Variants in UMAD1 observed in about 807,000 individuals in gnomAD.
UMAD1 encodes UBAP1-MVB12-associated (UMA) domain containing 1, also known as UBAP1-MVB12-associated (UMA)-domain containing protein 1.
Under a neutral mutation model 6.1 loss-of-function variants are expected in UMAD1, and 8 were observed. The observed-to-expected ratio is 1.30, with a 90% confidence interval of 0.76 to 2.35. UMAD1 has a LOEUF of 2.35. UMAD1 is among the 30% of genes most tolerant of loss of function. UMAD1 has a pLI of 0.00. For synonymous variants in UMAD1, 56 were observed against 31.4 expected (o/e 1.78, Z -2.61); for missense variants, 130 against 78.4 (o/e 1.66, Z -2.49).
At position 7,743,961 on chromosome 7, in the gene UMAD1, C is replaced by T. The variant is rs949167724; in HGVS notation, c.83-57709C>T. Among the ~76,000 whole-genome samples the T allele has an allele frequency of 5.9e-5, 9 of 152,002 alleles. No individual in the cohort carries two copies. In the South Asian group the frequency reaches 6.2e-4, roughly 11 times the overall value. The stretch of plus-strand genomic sequence containing the variant: ...TACCATAACATTAACGTAAAGTGTA[C>T]GATTCAATGGCTTTTAACATATCCA... On this transcript the variant is annotated intron_variant, in intron 2 of 3. Transcript: ENST00000682710.
intron 3 of UMAD1, among the ~76,000 whole-genome samples, chr7:7,807,075 A>G (rs1782931718): frequency 6.6e-6 from 1 of 152,172 alleles, no homozygotes; most frequent in African/African-American, 2.4e-5. Flanking sequence ...CCTAAGACCC[A>G]GTGACTCTGA....
rs914933087 is a variant in UMAD1, at chr7:7,752,182, G to C, written c.83-49488G>C. On this transcript the variant is annotated intron_variant, in intron 2 of 3. Transcript: ENST00000682710. ...ATGATGAAATAAGTAGAAATTATTT[G>C]ATATCAAAAAGCATGTTGTAAAAAA... Among the ~76,000 whole-genome samples the C allele has an allele frequency of 5.3e-4, 80 of 152,038 alleles. 1 individual carries two copies. Among genetic ancestry groups the C allele is most frequent in the Admixed American group, 3.9e-4 (6 of 15,262 alleles).
intron 2 of UMAD1, among the ~76,000 whole-genome samples, chr7:7,778,016 G>A (rs1317857285): frequency 6.6e-6 from 1 of 152,124 alleles, no homozygotes; most frequent in Non-Finnish European, 1.5e-5. Flanking sequence ...CCCAAGTGGG[G>A]CATTGCAGAA....
chr7:7,714,672 G>T (rs1780848268), intron 2 of UMAD1, among the ~76,000 whole-genome samples: 1 of 152,046 alleles, frequency 6.6e-6, no homozygotes, highest in Non-Finnish European at 1.5e-5. Context: ...ACATAAGAAA[G>T]ACTTAGAACT....
chr7:7,641,066 A>G (rs17169194), intron 1 of UMAD1: 11 of 152,640 alleles, frequency 7.2e-5, no homozygotes, highest in African/African-American at 2.7e-4. Flanking sequence ...GGAGATGGGC[A>G]GCGGGGTCAT....
chr7:7,775,130 C>T (rs1294266565), intron 2 of UMAD1, among the ~76,000 whole-genome samples: 1 of 152,208 alleles, frequency 6.6e-6, no homozygotes, highest in Non-Finnish European at 1.5e-5. Flanking sequence ...CTTTCTTCAC[C>T]ATTCATGCTT....
intron 2 of UMAD1, chr7:7,687,270 T>C (rs996970047): frequency 2.0e-5 from 3 of 152,188 alleles, no homozygotes; most frequent in African/African-American, 4.8e-5. Flanking sequence ...GTTAATGATA[T>C]CATGGTGTCT....
At chr7:7,656,781 G>A (rs576334110) in intron 1 of UMAD1, among the ~76,000 whole-genome samples, 4 of 152,222 alleles carry the variant, frequency 2.6e-5, no homozygotes, top group South Asian at 2.1e-4. Flanking sequence ...ACATACGTGC[G>A]CATGTGTCTT....
At chr7:7,817,611 C>G (rs1783156883) in intron 3 of UMAD1, among the ~76,000 whole-genome samples, 1 of 152,200 alleles carries the variant, frequency 6.6e-6, no homozygotes, top group Non-Finnish European at 1.5e-5. Flanking sequence ...TTCTAATTCT[C>G]AAATCCTAAA....
chr7:7,828,614 G>A (rs1413853985), intron 3 of UMAD1, among the ~76,000 whole-genome samples: 1 of 152,224 alleles, frequency 6.6e-6, no homozygotes, highest in Non-Finnish European at 1.5e-5. Context: ...GGGCTAAGGG[G>A]CTGCCTGTAA....
At chr7:7,817,324 A>G (rs569745847) in intron 3 of UMAD1, among the ~76,000 whole-genome samples, 9 of 152,342 alleles carry the variant, frequency 5.9e-5, no homozygotes, top group Non-Finnish European at 8.8e-5. Flanking sequence ...TGTGCGTGGC[A>G]TGCATCAGCC....
At chr7:7,732,598 A>T (rs1462238112) in intron 2 of UMAD1, among the ~76,000 whole-genome samples, 1 of 152,312 alleles carries the variant, frequency 6.6e-6, no homozygotes, top group African/African-American at 2.4e-5. Flanking sequence ...GTGATCCAAC[A>T]TTCAGTCTGA....
chr7:7,696,866 T>C (rs1451831052), intron 2 of UMAD1, among the ~76,000 whole-genome samples: 4 of 152,122 alleles, frequency 2.6e-5, no homozygotes, highest in African/African-American at 9.7e-5. Context: ...GCTGCCCTTT[T>C]CAGACATTCC....
chr7:7,664,241 T>C (rs558553351), intron 1 of UMAD1, among the ~76,000 whole-genome samples: 3 of 152,290 alleles, frequency 2.0e-5, no homozygotes, highest in South Asian at 4.1e-4. Flanking sequence ...CACTTTTCCA[T>C]ATCATTTCTG....
chr7:7,750,969 C>G (rs1198488167), intron 2 of UMAD1, among the ~76,000 whole-genome samples: 1 of 151,948 alleles, frequency 6.6e-6, no homozygotes, highest in African/African-American at 2.4e-5. Flanking sequence ...TTTGAAATTC[C>G]CTATATTAAA....
At chr7:7,867,155 C>T (rs903562009) in intron 3 of UMAD1, among the ~76,000 whole-genome samples, 2 of 152,086 alleles carry the variant, frequency 1.3e-5, no homozygotes, top group Non-Finnish European at 2.9e-5. Context: ...AAGGAAGGGA[C>T]TAAGCTAAGA....
chr7:7,737,275 C>G (rs543759023), intron 2 of UMAD1, among the ~76,000 whole-genome samples: 1 of 152,272 alleles, frequency 6.6e-6, no homozygotes, highest in Admixed American at 6.5e-5. Context: ...TTTTCTCAGC[C>G]GTGAAACAAG....
intron 3 of UMAD1, among the ~76,000 whole-genome samples, chr7:7,814,023 T>C (rs1432620138): frequency 1.3e-5 from 2 of 152,166 alleles, no homozygotes; most frequent in Non-Finnish European, 2.9e-5. Flanking sequence ...CTCGCTCTGT[T>C]GCCAGGCTGG....
intron 2 of UMAD1, among the ~76,000 whole-genome samples, chr7:7,722,100 T>C (rs886186639): frequency 2.0e-5 from 3 of 151,692 alleles, no homozygotes; most frequent in Non-Finnish European, 2.9e-5. Context: ...AGACGGCCTA[T>C]TGTGGGTCTT....
Sources: gnomAD v4.1 joint callset for allele counts (sites outside exome capture counted in the v4.1 genomes callset) on GRCh38, gnomAD v4.1.1 for gene constraint, MANE v1.5 for transcripts, NCBI Gene and HGNC (gene_info 2026-07-23, HGNC 2026-07-21) for gene names.